Variants in KSR1 observed in about 807,000 individuals in gnomAD.
KSR1 encodes the protein kinase suppressor of ras 1.
Under a neutral mutation model 92.9 loss-of-function variants are expected in KSR1, and 35 were observed. That is an observed-to-expected ratio of 0.38 (90% CI 0.29 to 0.50). The LOEUF is 0.50. KSR1 is among the 20% of genes least tolerant of loss of function. The pLI is 0.94. For missense variants in KSR1, 972 were observed against 1,158.5 expected, an observed-to-expected ratio of 0.84 and a Z score of 2.34; for synonymous variants, 467 against 472.6, an observed-to-expected ratio of 0.99 and a Z score of 0.15.
intron 1 of KSR1, among the ~76,000 whole-genome samples, chr17:27,528,330 G>A (rs1157754825): frequency 1.3e-5 from 2 of 152,016 alleles, no homozygotes; most frequent in African/African-American, 4.8e-5. Context: ...ACCTCCCAAA[G>A]TGCTGGGATT....
chr17:27,607,852 C>T (rs2073803378), intron 14 of KSR1, 62 bp from the exon 15 acceptor site: 1 of 1,241,668 alleles, frequency 8.1e-7, no homozygotes, highest in South Asian at 1.3e-5. Flanking sequence ...TGGGCTCCAC[C>T]AGGGTTGGGG....
chr17:27,477,379 T>C (rs1216630682), intron 1 of KSR1, among the ~76,000 whole-genome samples: 2 of 152,196 alleles, frequency 1.3e-5, no homozygotes, highest in Non-Finnish European at 2.9e-5. Flanking sequence ...CACCTCTAGC[T>C]GCCCTGGAAA....
At chr17:27,589,565 T>C (rs2073092974) in intron 6 of KSR1, among the ~76,000 whole-genome samples, 1 of 152,204 alleles carries the variant, frequency 6.6e-6, no homozygotes, top group Non-Finnish European at 1.5e-5. Context: ...GAGCTAGTGT[T>C]GGTGGATGCA....
At chr17:27,586,156 ATGGGAGATGCAGAAGCCCCTT>A in intron 5 of KSR1, among the ~76,000 whole-genome samples, 1 of 152,270 alleles carries the variant, frequency 6.6e-6, no homozygotes, top group African/African-American at 2.4e-5. Flanking sequence ...GCCCCAAAAG[ATGGGAGATGCAGAAGCCCCTT>A]TGGGAGGAGA....
chr17:27,506,679 A>T (rs1375429401), intron 1 of KSR1, among the ~76,000 whole-genome samples: 1 of 54,468 alleles, frequency 1.8e-5, no homozygotes. Flanking sequence ...TCCCCCTCCC[A>T]CCCCCTCCTC....
intron 2 of KSR1, among the ~76,000 whole-genome samples, chr17:27,566,829 C>T (rs776795120): frequency 1.4e-4 from 21 of 152,236 alleles, no homozygotes; most frequent in African/African-American, 4.8e-4. Context: ...TCATTTCCTG[C>T]TTTTGAGTAG....
intron 1 of KSR1, chr17:27,465,251 C>T (rs2019635065): frequency 6.6e-6 from 1 of 152,164 alleles, no homozygotes; most frequent in Non-Finnish European, 1.5e-5. Context: ...GTTGTCTTGG[C>T]CTTGGTGGGC....
At chr17:27,546,213 A>G (rs554067425) in intron 1 of KSR1, among the ~76,000 whole-genome samples, 137 of 152,290 alleles carry the variant, frequency 9.0e-4, no homozygotes, top group Middle Eastern at 3.4e-3. Context: ...CATATGTTTT[A>G]TGCCAGGTGC....
chr17:27,464,555 T>C (rs1289411329), intron 1 of KSR1, among the ~76,000 whole-genome samples: 1 of 152,030 alleles, frequency 6.6e-6, no homozygotes, highest in East Asian at 1.9e-4. Flanking sequence ...ACCCTGTCTC[T>C]ACAAAAAATA....
intron 2 of KSR1, among the ~76,000 whole-genome samples, chr17:27,553,779 T>G (rs930438314): frequency 1.3e-5 from 2 of 152,220 alleles, no homozygotes; most frequent in Non-Finnish European, 2.9e-5. Flanking sequence ...AAAGGCTATT[T>G]CCTTTAGTAA....
intron 1 of KSR1, among the ~76,000 whole-genome samples, chr17:27,470,664 C>T (rs1454049567): frequency 2.6e-5 from 4 of 152,142 alleles, no homozygotes; most frequent in Non-Finnish European, 4.4e-5. Context: ...GCGTGAGCCA[C>T]CACACCTAGC....
At chr17:27,558,405 G>T (rs940013) in intron 2 of KSR1, among the ~76,000 whole-genome samples, 84,651 of 151,812 alleles carry the variant, frequency 0.56, 23,940 homozygotes, top group Admixed American at 0.67. Context: ...AAGAGATACA[G>T]TTTCATCAAG....
chr17:27,598,448 T>C (rs1361230864), intron 10 of KSR1, among the ~76,000 whole-genome samples: 1 of 152,178 alleles, frequency 6.6e-6, no homozygotes, highest in Non-Finnish European at 1.5e-5. Flanking sequence ...GGGACTTCTT[T>C]TGGGGACGGT....
Position 27,607,909 on chromosome 17 carries a change from G to A in KSR1, c.1995-5G>A, listed in dbSNP as rs553688603. On this transcript the variant is annotated splice_polypyrimidine_tract_variant and splice_region_variant and intron_variant, in intron 14 of 20. Transcript: ENST00000644974. ...CTTGTGCTTGACCCCCACCACCCTCGACAGCTTCTGCAAGGGGCGGACGTT... is the reference window on the plus strand; with the variant it reads ...CTTGTGCTTGACCCCCACCACCCTCAACAGCTTCTGCAAGGGGCGGACGTT... 1.1e-5 allele frequency: 18 copies of A among 1,599,216 alleles called. No individual in the cohort carries two copies. The highest frequency in any genetic ancestry group is 9.4e-5 in the African/African-American group (7 of 74,752).
rs889059117 is a variant in KSR1, at chr17:27,587,441, A to C, written c.986-1034A>C. On this transcript the variant is annotated intron_variant, in intron 5 of 20. Transcript: ENST00000644974. ...ACCAGCACTTGGGATTGAGGGGGGCAGTGGCCACCCTCGGGGGACCTTCTG... is the reference window on the plus strand; with the variant it reads ...ACCAGCACTTGGGATTGAGGGGGGCCGTGGCCACCCTCGGGGGACCTTCTG... 8 of 152,254 alleles carry C rather than the reference A, an allele frequency of 5.3e-5. No individual in the cohort carries two copies. In the East Asian group the frequency reaches 1.5e-3, roughly 29 times the overall value. The allele number at this position is 152,254 out of a possible 1,614,324, so 9.4% of individuals were successfully genotyped here.
intron 1 of KSR1, among the ~76,000 whole-genome samples, chr17:27,498,241 A>G (rs1567765194): frequency 6.6e-6 from 1 of 151,210 alleles, no homozygotes; most frequent in African/African-American, 2.4e-5. Flanking sequence ...GAGGCAGGAG[A>G]ATGGCATGAA....
At chr17:27,590,742 G>A (rs569198546) in intron 6 of KSR1, 69 bp from the exon 7 acceptor site, 5 of 1,463,838 alleles carry the variant, frequency 3.4e-6, no homozygotes, top group Middle Eastern at 1.7e-4. Flanking sequence ...AGCTCCATGG[G>A]AAACCTTCTG....
chr17:27,588,572 G>A, intron 6 of KSR1, 37 bp downstream of exon 6: 1 of 1,553,780 alleles, frequency 6.4e-7, no homozygotes, highest in Non-Finnish European at 8.7e-7. Context: ...GCAGGGCACA[G>A]CCGGGCTGGT....
At chr17:27,610,632 G>A (rs893064858) in intron 17 of KSR1, among the ~76,000 whole-genome samples, 4 of 152,090 alleles carry the variant, frequency 2.6e-5, no homozygotes, top group Non-Finnish European at 4.4e-5. Flanking sequence ...ATGTGAGCCC[G>A]ATATAGAAGT....
Sources: allele counts gnomAD v4.1 joint callset (sites outside exome capture counted in the v4.1 genomes callset), GRCh38; gene constraint gnomAD v4.1.1; transcripts MANE v1.5; gene names NCBI Gene and HGNC (gene_info 2026-07-23, HGNC 2026-07-21).